The following ERO1B variants were observed in gnomAD, a reference collection of about 807,000 sequenced individuals.
ERO1B encodes endoplasmic reticulum oxidoreductase 1 beta.
ERO1B carries 49 observed loss-of-function variants against 75.3 expected under a neutral mutation model. The ratio of observed to expected loss-of-function variants is 0.65; its 90% CI spans 0.52 to 0.83. ERO1B has a LOEUF of 0.83. Ranked by LOEUF, ERO1B falls within the 40% of genes least tolerant of loss-of-function variation. The probability of loss-of-function intolerance (pLI) is 0.00; values close to 1 mark genes in which losing one functional copy is unlikely to be tolerated. For synonymous variants in ERO1B, 191 were observed against 192.9 expected, an observed-to-expected ratio of 0.99 and a Z score of 0.08; for missense variants, 512 against 560.1, an observed-to-expected ratio of 0.91 and a Z score of 0.87.
intron 2 of ERO1B, among the ~76,000 whole-genome samples, chr1:236,265,003 C>T (rs1665400687): frequency 6.6e-6 from 1 of 151,358 alleles, no homozygotes; most frequent in East Asian, 1.9e-4. Flanking sequence ...AATTTATACA[C>T]AAAAAAGTAA....
At chr1:236,219,554 A>C (rs1271317075) in intron 15 of ERO1B, among the ~76,000 whole-genome samples, 1 of 152,188 alleles carries the variant, frequency 6.6e-6, no homozygotes, top group African/African-American at 2.4e-5. Flanking sequence ...CAATTTATTT[A>C]AATTTCATTC....
At chr1:236,224,084 G>A (rs756484871) in intron 13 of ERO1B, among the ~76,000 whole-genome samples, 9 of 152,122 alleles carry the variant, frequency 5.9e-5, no homozygotes, top group Non-Finnish European at 1.3e-4. Flanking sequence ...TCACCAGAGT[G>A]TGAGGAAACA....
At chr1:236,275,420 T>A (rs1665689975) in intron 1 of ERO1B, among the ~76,000 whole-genome samples, 1 of 152,148 alleles carries the variant, frequency 6.6e-6, no homozygotes, top group Admixed American at 6.5e-5. Context: ...TACAACTCAG[T>A]AATAACCAAA....
chr1:236,225,719 G>A (rs954099606), intron 12 of ERO1B, among the ~76,000 whole-genome samples: 1 of 152,214 alleles, frequency 6.6e-6, no homozygotes, highest in Non-Finnish European at 1.5e-5. Context: ...TGCATCACTT[G>A]AGGCCAGGAG....
At chr1:236,264,844 C>CA (rs564506100) in intron 2 of ERO1B, among the ~76,000 whole-genome samples, 37 of 146,032 alleles carry the variant, frequency 2.5e-4, no homozygotes, top group Non-Finnish European at 4.2e-4. Flanking sequence ...AGACTGTCTC[C>CA]AAAAAAAAAG....
At position 236,220,911 on chromosome 1, in the gene ERO1B, T is replaced by C; in HGVS notation, c.1264A>G (p.Lys422Glu). ...TTAGATGGACTATTCTCTGGAAGCTTTTGGATTTCTTTTTCAGAGAATAAT... is the reference window on the plus strand; with the variant it reads ...TTAGATGGACTATTCTCTGGAAGCTCTTGGATTTCTTTTTCAGAGAATAAT... Reference protein sequence around the residue: ...KILFSEKEIQKLPENSPSKGF... With the variant: ...KILFSEKEIQELPENSPSKGF... The change falls in exon 15 of 16, where the codon AAG (lysine) becomes GAG (glutamate). Residue 422 changes from lysine to glutamate, a missense_variant. Transcript: ENST00000354619. 1 of 1,604,132 alleles carries C rather than the reference T, an allele frequency of 6.2e-7. No homozygotes were observed. Among genetic ancestry groups the C allele is most frequent in the Non-Finnish European group, 8.5e-7 (1 of 1,175,574 alleles).
rs1572050075 is a variant in ERO1B at position 236,246,434 on chromosome 1, A to G, written c.432-2939T>C. 2.6e-5 allele frequency among the ~76,000 whole-genome samples: 4 copies of G among 152,208 alleles called. No homozygotes were observed. In the East Asian group the frequency reaches 7.7e-4, roughly 29 times the overall value. On this transcript the variant is annotated intron_variant, in intron 5 of 15. Coordinates refer to ENST00000354619, the MANE Select transcript of ERO1B (RefSeq NM_019891.4). Reference sequence around the variant, plus strand: ...CAATCCTCCTCCCTTGGCCTCCCAAAGTACTGGGATTACAGGCATGAGCCA... The same window carrying G: ...CAATCCTCCTCCCTTGGCCTCCCAAGGTACTGGGATTACAGGCATGAGCCA...
chr1:236,255,503 A>G (rs185686688), intron 2 of ERO1B, among the ~76,000 whole-genome samples: 2 of 152,304 alleles, frequency 1.3e-5, no homozygotes, highest in African/African-American at 4.8e-5. Flanking sequence ...GCATCATCTT[A>G]TCCTTAGTGC....
intron 6 of ERO1B, among the ~76,000 whole-genome samples, chr1:236,239,811 GTA>G (rs1435250421): frequency 5.0e-5 from 3 of 59,596 alleles, no homozygotes; most frequent in African/African-American, 9.1e-5. Flanking sequence ...ATATATGTGT[GTA>G]TATATATATG....
intron 5 of ERO1B, among the ~76,000 whole-genome samples, chr1:236,246,150 T>C (rs1352109396): frequency 2.6e-5 from 4 of 152,136 alleles, no homozygotes; most frequent in African/African-American, 7.2e-5. Context: ...AAAATATACA[T>C]ATGTATGTAC....
rs140564263 is a variant in ERO1B at position 236,215,560 on chromosome 1, G to T, written c.*2956C>A. On this transcript the variant is annotated 3_prime_UTR_variant, in exon 16 of 16. Coordinates refer to ENST00000354619, the MANE Select transcript of ERO1B (RefSeq NM_019891.4). ...GAAAAACAAGACAGAAAAGATTGCA[G>T]AAACATGTACTTTAATTCACATTTT... is the stretch of plus-strand genomic sequence containing the variant. 2.0e-5 allele frequency: 3 copies of T among 152,266 alleles called. No individual in the cohort carries two copies. Among genetic ancestry groups the T allele is most frequent in the Non-Finnish European group, 4.4e-5 (3 of 68,002 alleles). The allele number at this position is 152,266 out of a possible 1,614,324, so 9.4% of individuals were successfully genotyped here. A position where few individuals can be genotyped will look rare whatever the true frequency, so the allele number is the denominator to read the frequency against.
chr1:236,241,984 C>G (rs555174534), intron 6 of ERO1B, among the ~76,000 whole-genome samples: 5 of 150,938 alleles, frequency 3.3e-5, no homozygotes, highest in Admixed American at 6.6e-5. Flanking sequence ...AGGAGAATGG[C>G]GTGAACCTGG....
In ERO1B at chr1:236,218,583, A is replaced by T; in HGVS notation, c.1344-7T>A. Reference sequence around the variant, plus strand: ...TCTTATACTTGTAGAAAGCCTATGGAAGAAAGAAAAAGCTTATTAGTAAGG... The same window carrying T: ...TCTTATACTTGTAGAAAGCCTATGGTAGAAAGAAAAAGCTTATTAGTAAGG... On this transcript the variant is annotated splice_polypyrimidine_tract_variant and splice_region_variant and intron_variant, in intron 15 of 15. Transcript: ENST00000354619. The T allele has an allele frequency of 7.4e-7, 1 of 1,350,158 alleles. No homozygotes were observed. Among genetic ancestry groups the T allele is most frequent in the Non-Finnish European group, 9.7e-7 (1 of 1,033,508 alleles). The allele number at this position is 1,350,158 out of a possible 1,614,324, so 83.6% of individuals were successfully genotyped here. A position where few individuals can be genotyped will look rare whatever the true frequency, so the allele number is the denominator to read the frequency against.
At chr1:236,227,837 T>C (rs958036306) in intron 10 of ERO1B, among the ~76,000 whole-genome samples, 3 of 152,182 alleles carry the variant, frequency 2.0e-5, no homozygotes, top group Non-Finnish European at 4.4e-5. Context: ...CGTTCCCTAA[T>C]TGGGAATTCT....
At chr1:236,281,002 A>G (rs1215613768) in intron 1 of ERO1B, among the ~76,000 whole-genome samples, 3 of 152,068 alleles carry the variant, frequency 2.0e-5, no homozygotes, top group Non-Finnish European at 4.4e-5. Flanking sequence ...CCAGCACCTC[A>G]CGACTGCCAG....
intron 2 of ERO1B, chr1:236,267,690 T>C (rs1665480764): frequency 6.6e-6 from 1 of 152,242 alleles, no homozygotes; most frequent in Non-Finnish European, 1.5e-5. Context: ...TTCAATGTTA[T>C]GGTAGAAAAG....
chr1:236,276,369 G>C (rs1572073180), intron 1 of ERO1B, among the ~76,000 whole-genome samples: 1 of 152,198 alleles, frequency 6.6e-6, no homozygotes, highest in East Asian at 1.9e-4. Flanking sequence ...AGAGAAGAAA[G>C]AGTACAAGCT....
intron 2 of ERO1B, among the ~76,000 whole-genome samples, chr1:236,268,821 G>A (rs1018017581): frequency 6.6e-6 from 1 of 152,156 alleles, no homozygotes; most frequent in Admixed American, 6.6e-5. Flanking sequence ...GGGAAGTAGA[G>A]CTTGCAGTGA....
chr1:236,243,385 G>C (rs1161688892), intron 6 of ERO1B, 37 bp downstream of exon 6: 1 of 1,349,834 alleles, frequency 7.4e-7, no homozygotes, highest in African/African-American at 1.5e-5. Flanking sequence ...AAGGGTTAAA[G>C]TTAAAATAAT....
Sources: allele counts gnomAD v4.1 joint callset (sites outside exome capture counted in the v4.1 genomes callset), GRCh38; gene constraint gnomAD v4.1.1; transcripts MANE v1.5; gene names NCBI Gene and HGNC (gene_info 2026-07-23, HGNC 2026-07-21).